Variants in KLF13 observed in about 807,000 individuals in gnomAD.
The protein encoded by KLF13 is Krueppel-like factor 13.
KLF13 carries 8 observed loss-of-function variants against 16.7 expected under a neutral mutation model. The ratio of observed to expected loss-of-function variants is 0.48; its 90% CI spans 0.28 to 0.87. KLF13 has a LOEUF of 0.87. Among genes scored for constraint, KLF13 ranks in the 40% least tolerant of loss-of-function variants. The probability of loss-of-function intolerance (pLI) is 0.10; values close to 1 mark genes in which losing one functional copy is unlikely to be tolerated. For missense variants in KLF13, 447 were observed against 452.2 expected, an observed-to-expected ratio of 0.99 and a Z score of 0.10; for synonymous variants, 245 against 208.4, an observed-to-expected ratio of 1.18 and a Z score of -1.51.
At chr15:31,405,353 AC>A (rs2040110893), downstream of KLF13, among the ~76,000 whole-genome samples, 1 of 151,918 alleles carries the variant, frequency 6.6e-6, no homozygotes, top group East Asian at 1.9e-4. Flanking sequence ...AGCTTGGAGA[AC>A]CCCCTCTCCT....
chr15:31,408,796 T>A (rs559401143), downstream of KLF13, among the ~76,000 whole-genome samples: 64 of 152,014 alleles, frequency 4.2e-4, no homozygotes, highest in South Asian at 9.4e-3. Flanking sequence ...ACATACAAGA[T>A]CAGGTGGATA....
exon 3 of KLF13, chr15:31,404,517 ACTGTAAAATGGACCAATTAGTGCT>A (rs1232019371): frequency 6.6e-6 from 1 of 152,216 alleles, no homozygotes; most frequent in Non-Finnish European, 1.5e-5. Context: ...CAATCAGAAC[ACTGTAAAATGGACCAATTAGTGCT>A]CTGTAAAATG....
At chr15:31,366,833 G>A (rs373508726) in intron 1 of KLF13, among the ~76,000 whole-genome samples, 5 of 152,144 alleles carry the variant, frequency 3.3e-5, no homozygotes, top group East Asian at 3.8e-4. Context: ...GAGGACACTC[G>A]CAGGTGCCTC....
chr15:31,360,464 C>T (rs1016105964), intron 1 of KLF13, among the ~76,000 whole-genome samples: 7 of 152,182 alleles, frequency 4.6e-5, no homozygotes, highest in African/African-American at 9.7e-5. Flanking sequence ...GGACAGGGCC[C>T]GGGGCTGCCA....
chr15:31,363,303 G>T (rs1470140880), intron 1 of KLF13, among the ~76,000 whole-genome samples: 2 of 152,180 alleles, frequency 1.3e-5, no homozygotes, highest in Non-Finnish European at 2.9e-5. Context: ...AATGGGCTTT[G>T]CCCATTTTTC....
At chr15:31,394,499 AAAAAG>A (rs1182131078) in intron 2 of KLF13, among the ~76,000 whole-genome samples, 1 of 152,026 alleles carries the variant, frequency 6.6e-6, no homozygotes, top group Non-Finnish European at 1.5e-5. Flanking sequence ...GAAAAAAAAA[AAAAAG>A]AAAAGAAAGA....
At chr15:31,382,788 C>T (rs2039742952), downstream of KLF13, among the ~76,000 whole-genome samples, 1 of 152,230 alleles carries the variant, frequency 6.6e-6, no homozygotes, top group African/African-American at 2.4e-5. Context: ...TCCCTGTGCC[C>T]AGGCTGCCAA....
intron 1 of KLF13, among the ~76,000 whole-genome samples, chr15:31,432,357 G>T (rs1249435469): frequency 2.0e-5 from 3 of 151,404 alleles, no homozygotes; most frequent in African/African-American, 7.3e-5. Context: ...CCTATACCTG[G>T]TCATTTTCTT....
At chr15:31,352,973 A>C (rs377660760) in intron 1 of KLF13, among the ~76,000 whole-genome samples, 1 of 152,082 alleles carries the variant, frequency 6.6e-6, no homozygotes, top group Non-Finnish European at 1.5e-5. Flanking sequence ...TGCAGCCACC[A>C]TGCAGCCCAC....
chr15:31,372,269 C>T lies in KLF13; in HGVS notation c.837C>T (p.Ser279=). The T allele has an allele frequency of 6.6e-7, 1 of 1,518,772 alleles. No individual in the cohort carries two copies. The highest frequency in any genetic ancestry group is 8.8e-7 in the Non-Finnish European group (1 of 1,137,500). The allele number at this position is 1,518,772 out of a possible 1,614,324, so 94.1% of individuals were successfully genotyped here. A position where few individuals can be genotyped will look rare whatever the true frequency, so the allele number is the denominator to read the frequency against. The stretch of plus-strand genomic sequence containing the variant: ...ACTACAGCCGCTCCGACGCCAGCAG[C>T]CCCACCATCAGCCCGGCCAGCTCGC... ...LSDYSRSDAS[S]PTISPASSP Residue 279 remains serine, a synonymous_variant, in exon 2 of 2, where the codon AGC becomes AGT. Transcript: ENST00000307145.
chr15:31,378,678 A>G (rs1184539787), downstream of KLF13, among the ~76,000 whole-genome samples: 1 of 152,180 alleles, frequency 6.6e-6, no homozygotes, highest in Non-Finnish European at 1.5e-5. Flanking sequence ...TCTGGGCTGT[A>G]CACTGTTCAT....
chr15:31,430,292 A>G (rs938388600), intron 1 of KLF13, among the ~76,000 whole-genome samples: 2 of 152,212 alleles, frequency 1.3e-5, no homozygotes, highest in Non-Finnish European at 2.9e-5. Flanking sequence ...CTAAAAATCA[A>G]TAAGAGAGAG....
At chr15:31,333,470 G>A (rs2038869853) in intron 1 of KLF13, among the ~76,000 whole-genome samples, 1 of 152,258 alleles carries the variant, frequency 6.6e-6, no homozygotes, top group Admixed American at 6.5e-5. Flanking sequence ...CTTCTTAAAG[G>A]TTGAGGGAGT....
intron 1 of KLF13, among the ~76,000 whole-genome samples, chr15:31,411,562 ATT>A (rs542831225): frequency 1.1e-4 from 15 of 137,718 alleles, no homozygotes; most frequent in Admixed American, 1.4e-4. Context: ...CACCTGGCTA[ATT>A]TTTTTTTTTT....
At chr15:31,332,100 T>C (rs1008491415) in intron 1 of KLF13, among the ~76,000 whole-genome samples, 2 of 152,238 alleles carry the variant, frequency 1.3e-5, no homozygotes, top group South Asian at 4.1e-4. Flanking sequence ...TGGACTCTGG[T>C]GTGTGTGTGT....
At chr15:31,419,867 T>C (rs114245583) in intron 1 of KLF13, among the ~76,000 whole-genome samples, 197 of 152,200 alleles carry the variant, frequency 1.3e-3, no homozygotes, top group African/African-American at 4.4e-3. Flanking sequence ...CTGAGACATA[T>C]TGTAATCAAA....
At chr15:31,391,594 C>T (rs2039870153), upstream of KLF13, among the ~76,000 whole-genome samples, 1 of 151,968 alleles carries the variant, frequency 6.6e-6, no homozygotes, top group Non-Finnish European at 1.5e-5. Context: ...TGGGATTGCC[C>T]CCCACCCCGC....
At chr15:31,369,043 A>G (rs1396439417) in intron 1 of KLF13, among the ~76,000 whole-genome samples, 1 of 152,222 alleles carries the variant, frequency 6.6e-6, no homozygotes, top group African/African-American at 2.4e-5. Flanking sequence ...TCCTCCTGCC[A>G]TGAAATTTAA....
At chr15:31,422,140 A>AAAAC (rs1566847551) in intron 1 of KLF13, among the ~76,000 whole-genome samples, 2 of 142,154 alleles carry the variant, frequency 1.4e-5, no homozygotes, top group African/African-American at 5.0e-5. Flanking sequence ...AACAAAAAAA[A>AAAAC]AAAAAAAAGA....
Sources: gnomAD v4.1 joint callset for allele counts (sites outside exome capture counted in the v4.1 genomes callset) on GRCh38, gnomAD v4.1.1 for gene constraint, MANE v1.5 for transcripts, NCBI Gene and HGNC (gene_info 2026-07-23, HGNC 2026-07-21) for gene names.